The following SIRT1 variants were observed in gnomAD, a reference collection of about 807,000 sequenced individuals.
SIRT1 encodes NAD-dependent protein deacetylase sirtuin-1.
SIRT1 carries 24 observed loss-of-function variants against 67.9 expected under a neutral mutation model. The observed-to-expected ratio is 0.35, with a 90% CI of 0.26 to 0.50. The LOEUF is 0.50. SIRT1 is among the 20% of genes least tolerant of loss of function. The pLI, the probability that SIRT1 is intolerant of heterozygous loss-of-function variation, is 0.98. For missense variants in SIRT1, 873 were observed against 937.2 expected (o/e 0.93, Z 0.89); for synonymous variants, 378 against 350.7 (o/e 1.08, Z -0.87).
chr10:67,893,786 G>A (rs1340986344), intron 4 of SIRT1, among the ~76,000 whole-genome samples: 2 of 152,098 alleles, frequency 1.3e-5, no homozygotes, highest in African/African-American at 4.8e-5. Flanking sequence ...CTTGTGGTCC[G>A]CCCATCTCAG....
intron 7 of SIRT1, among the ~76,000 whole-genome samples, chr10:67,910,131 T>C (rs1049865762): frequency 5.3e-5 from 8 of 152,002 alleles, no homozygotes; most frequent in African/African-American, 9.7e-5. Flanking sequence ...TCTCAGCACT[T>C]TGGGAGGCCG....
At chr10:67,904,697 T>C (rs1842794996) in intron 4 of SIRT1, among the ~76,000 whole-genome samples, 1 of 152,016 alleles carries the variant, frequency 6.6e-6, no homozygotes, top group Admixed American at 6.5e-5. Context: ...AATACAAAAT[T>C]AGCTGGGGTG....
chr10:67,909,023 A>G (rs1203032575), intron 6 of SIRT1, among the ~76,000 whole-genome samples: 4 of 152,190 alleles, frequency 2.6e-5, no homozygotes, highest in Admixed American at 2.6e-4. Context: ...GGACTCTTCA[A>G]TGTCAAGTGT....
intron 4 of SIRT1, among the ~76,000 whole-genome samples, chr10:67,892,918 T>C (rs1361022656): frequency 6.6e-6 from 1 of 152,234 alleles, no homozygotes; most frequent in Non-Finnish European, 1.5e-5. Context: ...CACCTTAATG[T>C]GGTTACTAAA....
At chr10:67,914,160 G>T (rs2394444) in intron 8 of SIRT1, among the ~76,000 whole-genome samples, 2 of 150,390 alleles carry the variant, frequency 1.3e-5, no homozygotes, top group Non-Finnish European at 2.9e-5. Flanking sequence ...CAACCTCTGC[G>T]TCCCAGGTTC....
intron 4 of SIRT1, among the ~76,000 whole-genome samples, chr10:67,892,439 G>C (rs1472166101): frequency 1.3e-5 from 2 of 151,986 alleles, no homozygotes; most frequent in South Asian, 2.1e-4. Flanking sequence ...TGAGCATGGT[G>C]GTGTGCACCT....
chr10:67,885,439 T>G, intron 1 of SIRT1: 4 of 1,194,230 alleles, frequency 3.3e-6, no homozygotes, highest in Non-Finnish European at 4.2e-6. Context: ...TAAGTTTCTC[T>G]CCCCCTCTTA....
intron 1 of SIRT1, among the ~76,000 whole-genome samples, chr10:67,886,535 AAC>A (rs1461944177): frequency 6.7e-6 from 1 of 148,150 alleles, no homozygotes; most frequent in Non-Finnish European, 1.5e-5. Context: ...CAGGGTGGGC[AAC>A]AGAGTGAGAC....
At position 67,907,012 on chromosome 10, in the gene SIRT1, C is replaced by T. The variant is rs918133836; in HGVS notation, c.1090+75C>T. ...AAGATATTTCCTATAAAGCTGACTG[C>T]CATCGAGAAGTGGAGATAAAGCATT... On this transcript the variant is annotated intron_variant, in intron 5 of 8. Transcript: ENST00000212015. 9.4e-6 allele frequency: 12 copies of T among 1,273,696 alleles called. No homozygotes were observed. In the Admixed American group the frequency reaches 1.7e-4, roughly 18 times the overall value. 78.9% of individuals were successfully genotyped at this position (1,273,696 alleles called of 1,614,324 possible). A position where few individuals can be genotyped will look rare whatever the true frequency, so the allele number is the denominator to read the frequency against.
At chr10:67,903,982 G>C (rs538334445) in intron 4 of SIRT1, among the ~76,000 whole-genome samples, 40 of 152,218 alleles carry the variant, frequency 2.6e-4, no homozygotes, top group African/African-American at 8.7e-4. Context: ...CACCATGGAA[G>C]AGTTAATCCA....
At position 67,916,460 on chromosome 10, in the gene SIRT1, A is replaced by G; in HGVS notation, c.2111A>G (p.Asp704Gly). The G allele has an allele frequency of 1.2e-6, 2 of 1,614,200 alleles. No individual in the cohort carries two copies. Among genetic ancestry groups the G allele is most frequent in the Non-Finnish European group, 8.5e-7 (1 of 1,180,034 alleles). Residue 704 changes from aspartate (D) to glycine (G), a missense_variant, in exon 9 of 9, where the codon GAT becomes GGT. Asp to Gly is a moderately conservative substitution (Grantham distance 94). Transcript: ENST00000212015. ...GAAGAATTCTACAATGGCTTAGAAG[A>G]TGAGCCTGATGTTCCAGAGAGAGCT... ...EIEEFYNGLE[D>G]EPDVPERAGG...
chr10:67,912,376 C>G (rs576467965), intron 7 of SIRT1, 98 bp from the exon 8 acceptor site: 4 of 1,120,384 alleles, frequency 3.6e-6, no homozygotes, highest in South Asian at 3.1e-5. Context: ...ATTTGGAGCT[C>G]AAGCCCTTGT....
In SIRT1 at chr10:67,891,536, A is replaced by G. The variant is rs778823706; in HGVS notation, c.924A>G (p.Pro308=). 2.5e-6 allele frequency: 4 copies of G among 1,614,042 alleles called. No homozygotes were observed. The highest frequency in any genetic ancestry group is 3.4e-6 in the Non-Finnish European group (4 of 1,179,974). Residue 308 remains proline (P), a synonymous_variant, in exon 4 of 9, where the codon CCA becomes CCG. Coordinates refer to ENST00000212015, the MANE Select transcript of SIRT1 (RefSeq NM_012238.5). ...AATATTTCAGAAAAGATCCAAGACC[A>G]TTCTTCAAGTTTGCAAAGGTACTAT... is the stretch of plus-strand genomic sequence containing the variant. ...DIEYFRKDPR[P]FFKFAKEIYP... is the part of the protein sequence containing the mutation.
intron 1 of SIRT1, among the ~76,000 whole-genome samples, chr10:67,886,182 C>T (rs1842477491): frequency 6.6e-6 from 1 of 151,880 alleles, no homozygotes; most frequent in South Asian, 2.1e-4. Context: ...ACTTCGTGAT[C>T]CGTCCGCCTC....
chr10:67,894,770 C>T (rs556751438), intron 4 of SIRT1, among the ~76,000 whole-genome samples: 69 of 152,152 alleles, frequency 4.5e-4, no homozygotes, highest in African/African-American at 1.4e-3. Flanking sequence ...AGTGCATTGG[C>T]GCGATCTCGG....
chr10:67,899,334 T>TTA (rs1234523261), intron 4 of SIRT1, among the ~76,000 whole-genome samples: 1 of 150,642 alleles, frequency 6.6e-6, no homozygotes, highest in East Asian at 1.9e-4. Flanking sequence ...ATATATATAA[T>TTA]TATATATATA....
intron 4 of SIRT1, among the ~76,000 whole-genome samples, chr10:67,900,185 G>A (rs1028864998): frequency 5.3e-5 from 8 of 151,784 alleles, no homozygotes; most frequent in African/African-American, 1.9e-4. Flanking sequence ...GCATTCTGTC[G>A]CTCAAGTTGG....
At chr10:67,906,976 A>T (rs776915757) in intron 5 of SIRT1, 39 bp downstream of exon 5, 9 of 1,501,700 alleles carry the variant, frequency 6.0e-6, no homozygotes, top group Non-Finnish European at 7.1e-6. Flanking sequence ...AATTTATTTT[A>T]GTTTTATAGG....
chr10:67,896,442 C>T (rs557607133), intron 4 of SIRT1, among the ~76,000 whole-genome samples: 2 of 152,282 alleles, frequency 1.3e-5, no homozygotes, highest in Non-Finnish European at 2.9e-5. Flanking sequence ...CTGCACCCGG[C>T]CTTGGGCTGA....
Sources: allele counts gnomAD v4.1 joint callset (sites outside exome capture counted in the v4.1 genomes callset), GRCh38; gene constraint gnomAD v4.1.1; transcripts MANE v1.5; gene names NCBI Gene and HGNC (gene_info 2026-07-23, HGNC 2026-07-21).